The following ANXA10 variants were observed in gnomAD, a reference collection of about 807,000 sequenced individuals.
ANXA10 encodes the protein annexin A10, also known as annexin 14.
In ANXA10, 49 loss-of-function variants were observed where a neutral mutation model predicts 53.5. The observed-to-expected ratio is 0.92, with a 90% confidence interval of 0.73 to 1.16. ANXA10 has a LOEUF of 1.16. Ranked by LOEUF, ANXA10 falls within the 50% of genes most tolerant of loss-of-function variation. ANXA10 has a pLI of 0.00. For synonymous variants in ANXA10, 131 were observed against 128.9 expected (o/e 1.02, Z -0.11); for missense variants, 393 against 394.4 (o/e 1.00, Z 0.03).
chr4:168,174,318 A>C (rs556564313), intron 6 of ANXA10, among the ~76,000 whole-genome samples: 18 of 152,178 alleles, frequency 1.2e-4, no homozygotes, highest in Non-Finnish European at 2.1e-4. Context: ...GGAGTCTCCA[A>C]GTTTTCAGGC....
intron 5 of ANXA10, among the ~76,000 whole-genome samples, chr4:168,164,934 A>C (rs1731848585): frequency 6.6e-6 from 1 of 152,166 alleles, no homozygotes; most frequent in Non-Finnish European, 1.5e-5. Flanking sequence ...ACTTAGAAAA[A>C]GTATTGGGCT....
chr4:168,182,419 C>T (rs1311364855), intron 10 of ANXA10, among the ~76,000 whole-genome samples: 1 of 138,676 alleles, frequency 7.2e-6, no homozygotes, highest in African/African-American at 2.7e-5. Context: ...CAAGCTCTGC[C>T]TCCCGGGTTC....
chr4:168,127,039 C>T (rs1040305453), intron 1 of ANXA10, among the ~76,000 whole-genome samples: 7 of 152,082 alleles, frequency 4.6e-5, no homozygotes, highest in East Asian at 1.9e-4. Flanking sequence ...GAGTTCATGT[C>T]AGGGCCTAGA....
intron 3 of ANXA10, among the ~76,000 whole-genome samples, chr4:168,159,012 T>C (rs931716423): frequency 6.6e-6 from 1 of 152,166 alleles, no homozygotes; most frequent in Non-Finnish European, 1.5e-5. Flanking sequence ...TGAAGCCTCA[T>C]GAGAAGCAGA....
At chr4:168,174,918 C>T (rs1475239601) in intron 6 of ANXA10, among the ~76,000 whole-genome samples, 1 of 152,134 alleles carries the variant, frequency 6.6e-6, no homozygotes, top group Non-Finnish European at 1.5e-5. Context: ...TTGGAATATA[C>T]ATATCTGAAG....
intron 3 of ANXA10, among the ~76,000 whole-genome samples, chr4:168,146,758 A>G (rs1321640266): frequency 6.6e-6 from 1 of 151,842 alleles, no homozygotes; most frequent in Non-Finnish European, 1.5e-5. Flanking sequence ...CCCACAGACT[A>G]CAGAAGGAAA....
At chr4:168,146,126 CG>C (rs1731402831) in intron 3 of ANXA10, among the ~76,000 whole-genome samples, 1 of 152,134 alleles carries the variant, frequency 6.6e-6, no homozygotes, top group Non-Finnish European at 1.5e-5. Context: ...CCAGGCTGGT[CG>C]TGAACTCCTG....
intron 3 of ANXA10, among the ~76,000 whole-genome samples, chr4:168,140,741 C>T (rs886281888): frequency 3.9e-5 from 6 of 152,070 alleles, no homozygotes; most frequent in Non-Finnish European, 8.8e-5. Flanking sequence ...GCCTCAGCCT[C>T]CTGAGTAGCT....
At chr4:168,115,563 G>A (rs4692619) in intron 1 of ANXA10, among the ~76,000 whole-genome samples, 105,305 of 150,258 alleles carry the variant, frequency 0.7, 38,081 homozygotes, top group African/African-American at 0.89. Flanking sequence ...TTGAACTGAC[G>A]TAAAAATAAG....
intron 2 of ANXA10, among the ~76,000 whole-genome samples, chr4:168,132,584 T>C (rs1181714802): frequency 6.6e-6 from 1 of 152,084 alleles, no homozygotes; most frequent in Non-Finnish European, 1.5e-5. Flanking sequence ...AGGGTGACTA[T>C]AGTCAATAAT....
At chr4:168,128,254 A>T in intron 2 of ANXA10, 89 bp downstream of exon 2, 1 of 851,728 alleles carries the variant, frequency 1.2e-6, no homozygotes, top group South Asian at 2.1e-5. Flanking sequence ...AAAATAGTTG[A>T]TGTCTTACAA....
In ANXA10 at chr4:168,162,585, G is replaced by A; in HGVS notation, c.253G>A (p.Gly85Ser). 1 of 1,613,928 alleles carries A rather than the reference G, an allele frequency of 6.2e-7. No homozygotes were observed. The highest frequency in any genetic ancestry group is 2.2e-5 in the East Asian group (1 of 44,874). Residue 85 changes from glycine to serine, a missense_variant, in exon 4 of 12, where the codon GGC (glycine) becomes AGC (serine). Physicochemically the swap from Gly to Ser is moderately conservative, Grantham distance 56. Transcript: ENST00000359299. ...LSDHFKDVMAGLMYPPPLYDA... is the reference protein window; with the variant it reads ...LSDHFKDVMASLMYPPPLYDA... ...GGATCACTTCAAAGATGTGATGGCT[G>A]GCCTCATGTACCCACCACCACTGTA...
At chr4:168,094,305 T>C (rs1396969061) in intron 1 of ANXA10, among the ~76,000 whole-genome samples, 1 of 152,160 alleles carries the variant, frequency 6.6e-6, no homozygotes, top group Non-Finnish European at 1.5e-5. Flanking sequence ...AAGAATCCAT[T>C]TTAAGTACTT....
chr4:168,170,240 T>A (rs959603102), intron 6 of ANXA10, among the ~76,000 whole-genome samples: 52 of 152,224 alleles, frequency 3.4e-4, no homozygotes, highest in Admixed American at 1.8e-3. Flanking sequence ...TACTTTTTTT[T>A]AAAGATAACA....
chr4:168,144,672 T>C (rs987757862), intron 3 of ANXA10, among the ~76,000 whole-genome samples: 3 of 152,194 alleles, frequency 2.0e-5, no homozygotes, highest in African/African-American at 7.2e-5. Flanking sequence ...GTACCACACA[T>C]AGTGTACCCA....
intron 6 of ANXA10, among the ~76,000 whole-genome samples, chr4:168,167,901 A>G (rs1731910383): frequency 1.3e-5 from 2 of 152,142 alleles, no homozygotes; most frequent in African/African-American, 4.8e-5. Context: ...TTACTTTTCA[A>G]AGCCTCTTCA....
intron 3 of ANXA10, among the ~76,000 whole-genome samples, chr4:168,148,119 C>T (rs1306089566): frequency 6.6e-6 from 1 of 152,080 alleles, no homozygotes; most frequent in Non-Finnish European, 1.5e-5. Context: ...TTATTTCTGT[C>T]ACAGCCAAGG....
chr4:168,138,165 G>GAGACCA (rs930289006), intron 2 of ANXA10, among the ~76,000 whole-genome samples: 2 of 151,914 alleles, frequency 1.3e-5, no homozygotes, highest in Admixed American at 6.6e-5. Context: ...GTTTCACCAT[G>GAGACCA]TTAGCCAGGA....
rs777178434 is a variant in ANXA10, at chr4:168,162,539, G to C, written c.207G>C (p.Gly69=). ...TTTTTCCTCCACAGGACCTGATTGG[G>C]GATATGAGGGAGCAGCTTTCGGATC... ...YQSMYGRDLI[G]DMREQLSDHF... The change falls in exon 4 of 12, where the codon GGG becomes GGC. Residue 69 remains glycine (G), a synonymous_variant. Transcript: ENST00000359299. The C allele has an allele frequency of 6.2e-7, 1 of 1,613,578 alleles. No individual in the cohort carries two copies. Among genetic ancestry groups the C allele is most frequent in the African/African-American group, 1.3e-5 (1 of 74,990 alleles).
Sources: gnomAD v4.1 joint callset for allele counts (sites outside exome capture counted in the v4.1 genomes callset) on GRCh38, gnomAD v4.1.1 for gene constraint, MANE v1.5 for transcripts, NCBI Gene and HGNC (gene_info 2026-07-23, HGNC 2026-07-21) for gene names.